The following FAM47E variants were observed in gnomAD, a reference collection of about 807,000 sequenced individuals.
FAM47E encodes protein FAM47E.
FAM47E carries 32 observed loss-of-function variants against 41.6 expected under a neutral mutation model. The observed-to-expected ratio is 0.77, with a 90% confidence interval of 0.58 to 1.03. FAM47E has a LOEUF of 1.03. FAM47E is among the 50% of genes least tolerant of loss of function. FAM47E has a pLI of 0.00. For synonymous variants in FAM47E, 184 were observed against 188.7 expected (o/e 0.98, Z 0.20); for missense variants, 424 against 485.4 (o/e 0.87, Z 1.19).
intron 2 of FAM47E, among the ~76,000 whole-genome samples, 175 bp downstream of exon 2, chr4:76,256,698 C>T (rs1734209481): frequency 6.6e-6 from 1 of 152,166 alleles, no homozygotes; most frequent in South Asian, 2.1e-4. Context: ...CCTCTGTTCC[C>T]AGAAAACACA....
At chr4:76,214,114 T>A (rs1267686413) in exon 1 of FAM47E, 2 of 410,422 alleles carry the variant, frequency 4.9e-6, no homozygotes, top group Non-Finnish European at 9.6e-6. Context: ...ATTTACTCAT[T>A]CCGCAGATAG....
At chr4:76,246,002 C>T (rs576215198) in intron 2 of FAM47E, among the ~76,000 whole-genome samples, 1 of 152,130 alleles carries the variant, frequency 6.6e-6, no homozygotes, top group Non-Finnish European at 1.5e-5. Flanking sequence ...TGCCTTTACC[C>T]CCATTGTTAT....
chr4:76,249,263 T>C (rs1733899485), upstream of FAM47E, among the ~76,000 whole-genome samples: 1 of 151,934 alleles, frequency 6.6e-6, no homozygotes, highest in Non-Finnish European at 1.5e-5. Context: ...AAAATAGAAC[T>C]TTAAGGTGAG....
At chr4:76,281,766 C>T (rs1459148945) in intron 7 of FAM47E, 2 of 152,146 alleles carry the variant, frequency 1.3e-5, no homozygotes, top group Non-Finnish European at 2.9e-5. Flanking sequence ...GACACACTGG[C>T]TATTGCAGGA....
upstream of FAM47E, among the ~76,000 whole-genome samples, chr4:76,248,949 A>G (rs752375188): frequency 5.3e-5 from 8 of 152,326 alleles, no homozygotes; most frequent in Non-Finnish European, 8.8e-5. Context: ...TCCCAAAAGG[A>G]TTATTCAAAT....
upstream of FAM47E, among the ~76,000 whole-genome samples, chr4:76,248,657 T>C (rs1733884456): frequency 6.6e-6 from 1 of 152,192 alleles, no homozygotes; most frequent in Non-Finnish European, 1.5e-5. Flanking sequence ...TTGTTGCTAG[T>C]GTTTGCTGAA....
intron 6 of FAM47E, chr4:76,280,004 A>G: frequency 5.9e-6 from 2 of 337,542 alleles, no homozygotes; most frequent in Non-Finnish European, 1.1e-5. Context: ...TCATAGGTCA[A>G]TAATTGTCTA....
chr4:76,228,225 C>A (rs996632545), intron 2 of FAM47E, among the ~76,000 whole-genome samples: 3 of 151,982 alleles, frequency 2.0e-5, no homozygotes, highest in African/African-American at 4.8e-5. Context: ...CACCTGTAAT[C>A]CCAGCACTTG....
At chr4:76,236,946 A>C (rs960003094) in intron 2 of FAM47E, among the ~76,000 whole-genome samples, 17 of 146,458 alleles carry the variant, frequency 1.2e-4, no homozygotes, top group African/African-American at 4.4e-4. Context: ...CCCAGGCTGG[A>C]GTGCAGTGGC....
chr4:76,217,898 A>G (rs939047781), intron 2 of FAM47E, among the ~76,000 whole-genome samples: 1 of 152,260 alleles, frequency 6.6e-6, no homozygotes, highest in African/African-American at 2.4e-5. Context: ...TCTAAGGGCT[A>G]TCGAGGGGAA....
At chr4:76,219,553 G>A (rs1230726269) in intron 2 of FAM47E, among the ~76,000 whole-genome samples, 5 of 152,148 alleles carry the variant, frequency 3.3e-5, no homozygotes, top group Non-Finnish European at 5.9e-5. Flanking sequence ...CTTTAATGAT[G>A]TGTTCCATGG....
intron 1 of FAM47E, among the ~76,000 whole-genome samples, chr4:76,252,820 G>C (rs1486503497): frequency 2.0e-5 from 3 of 152,122 alleles, no homozygotes; most frequent in Non-Finnish European, 2.9e-5. Context: ...GCTTACAGTG[G>C]TACCATTTTA....
intron 2 of FAM47E, among the ~76,000 whole-genome samples, chr4:76,222,771 A>G (rs1733331549): frequency 6.6e-6 from 1 of 152,196 alleles, no homozygotes; most frequent in African/African-American, 2.4e-5. Context: ...TAAGGACTTC[A>G]CATCTATTAA....
At chr4:76,266,105 T>C (rs1323941099) in intron 3 of FAM47E, among the ~76,000 whole-genome samples, 2 of 152,236 alleles carry the variant, frequency 1.3e-5, no homozygotes, top group Non-Finnish European at 2.9e-5. Context: ...TAATTGATCA[T>C]GTCCTCTTTC....
At chr4:76,231,681 C>T (rs987221555) in intron 2 of FAM47E, among the ~76,000 whole-genome samples, 4 of 152,178 alleles carry the variant, frequency 2.6e-5, no homozygotes, top group African/African-American at 9.7e-5. Flanking sequence ...GTTTGTTCCA[C>T]AAGGAATCAG....
chr4:76,250,683 A>G (rs1480127580), upstream of FAM47E, among the ~76,000 whole-genome samples: 3 of 152,210 alleles, frequency 2.0e-5, no homozygotes, highest in African/African-American at 2.4e-5. Context: ...TCAAAGTAAT[A>G]AAAAGTTTGC....
Position 76,280,245 on chromosome 4 carries a change from A to G in FAM47E, c.1027-19A>G, listed in dbSNP as rs1425069442. On this transcript the variant is annotated intron_variant, in intron 6 of 7. Coordinates refer to ENST00000424749, the MANE Select transcript of FAM47E (RefSeq NM_001136570.3). ...TTCTGATGGCTGACCCCTTTCTTCA[A>G]ATGTGGGTACTCTTTTAGGAGGAGT... 1 of 1,507,064 alleles carries G rather than the reference A, an allele frequency of 6.6e-7. No homozygotes were observed. The highest frequency in any genetic ancestry group is 9.0e-7 in the Non-Finnish European group (1 of 1,109,482). The allele number at this position is 1,507,064 out of a possible 1,614,324, so 93.4% of individuals were successfully genotyped here.
intron 2 of FAM47E, among the ~76,000 whole-genome samples, chr4:76,235,320 AAAAT>A (rs940005810): frequency 2.6e-5 from 4 of 152,216 alleles, no homozygotes; most frequent in East Asian, 1.9e-4. Context: ...TCCGTCTCAA[AAAAT>A]AAATAAATAA....
intron 2 of FAM47E, among the ~76,000 whole-genome samples, chr4:76,237,063 T>C (rs1472996351): frequency 6.6e-6 from 1 of 151,682 alleles, no homozygotes; most frequent in African/African-American, 2.4e-5. Flanking sequence ...GCCCGGCTAA[T>C]TTTTTGTATT....
Sources: gnomAD v4.1 joint callset for allele counts (sites outside exome capture counted in the v4.1 genomes callset) on GRCh38, gnomAD v4.1.1 for gene constraint, MANE v1.5 for transcripts, NCBI Gene and HGNC (gene_info 2026-07-23, HGNC 2026-07-21) for gene names.